INO80: variants seen among roughly 807,000 people sequenced by gnomAD.
The protein encoded by INO80 is INO80 complex ATPase subunit, also known as chromatin-remodeling ATPase INO80.
A neutral mutation model predicts 203.4 loss-of-function variants in INO80; 20 were observed. The ratio of observed to expected loss-of-function variants is 0.10; its 90% CI spans 0.07 to 0.14. The LOEUF is 0.14. INO80 is among the 10% of genes least tolerant of loss of function. The pLI is 1.00. For synonymous variants in INO80, 726 were observed against 685.2 expected, an observed-to-expected ratio of 1.06 and a Z score of -0.93; for missense variants, 1,419 against 1,914.4, an observed-to-expected ratio of 0.74 and a Z score of 4.83.
chr15:41,002,890 G>C (rs1359771208), intron 28 of INO80, among the ~76,000 whole-genome samples: 1 of 152,312 alleles, frequency 6.6e-6, no homozygotes, highest in East Asian at 1.9e-4. Context: ...GGATCATGAG[G>C]TCAGGAGATT....
chr15:41,044,444 T>C (rs932484770), intron 24 of INO80, among the ~76,000 whole-genome samples: 1 of 151,846 alleles, frequency 6.6e-6, no homozygotes, highest in Non-Finnish European at 1.5e-5. Flanking sequence ...TACAAAAGAG[T>C]ACATACAAGA....
Position 40,988,008 on chromosome 15 carries a change from TAGGG to T in INO80, c.3571-38_3571-35del, listed in dbSNP as rs554165179. 76 of 1,577,374 alleles carry T rather than the reference TAGGG, an allele frequency of 4.8e-5. 1 individual carries two copies. In the South Asian group the frequency reaches 8.5e-4, roughly 18 times the overall value. On this transcript the variant is annotated intron_variant, in intron 29 of 35. Coordinates refer to ENST00000648947, the MANE Select transcript of INO80 (RefSeq NM_017553.3). ...AATATAGCAAAAACTGAAGCACTCT[TAGGG>T]AAGGACCAGAAATTCTGAGAGCAAC...
chr15:41,056,581 T>C (rs1383136956), intron 17 of INO80, 41 bp downstream of exon 17: 4 of 1,418,912 alleles, frequency 2.8e-6, no homozygotes, highest in Non-Finnish European at 4.0e-6. Flanking sequence ...AATCCTTCTG[T>C]TTTATGAAGA....
chr15:41,021,491 A>G (rs2044293983), intron 25 of INO80, among the ~76,000 whole-genome samples: 1 of 152,256 alleles, frequency 6.6e-6, no homozygotes, highest in African/African-American at 2.4e-5. Context: ...AACCATATGC[A>G]TGATGGTGAT....
intron 5 of INO80, among the ~76,000 whole-genome samples, chr15:41,089,933 G>T (rs898325325): frequency 3.9e-5 from 6 of 152,066 alleles, no homozygotes; most frequent in Non-Finnish European, 7.4e-5. Flanking sequence ...TCCTCAAAAG[G>T]CTAAGCAAGG....
chr15:40,981,330 C>T (rs866199385), intron 35 of INO80, among the ~76,000 whole-genome samples: 1 of 152,178 alleles, frequency 6.6e-6, no homozygotes, highest in African/African-American at 2.4e-5. Context: ...GAGGAGAAAC[C>T]CTGATGAGTA....
rs569146194 is a variant in INO80, at chr15:40,988,173, G to T, written c.3571-199C>A. ...CCCTGAGCAAAAGATACATGCTCCTGTTTTATTTTTTTCAGTTTTCACTTA... is the reference window on the plus strand; with the variant it reads ...CCCTGAGCAAAAGATACATGCTCCTTTTTTATTTTTTTCAGTTTTCACTTA... On this transcript the variant is annotated intron_variant, in intron 29 of 35. Coordinates refer to ENST00000648947, the MANE Select transcript of INO80 (RefSeq NM_017553.3). 2.7e-3 allele frequency among the ~76,000 whole-genome samples: 409 copies of T among 152,164 alleles called. 3 individuals are homozygous for T. The highest frequency in any genetic ancestry group is 0.013 in the South Asian group (61 of 4,828).
intron 23 of INO80, among the ~76,000 whole-genome samples, chr15:41,046,218 T>C (rs1321686693): frequency 2.0e-3 from 15 of 7,614 alleles, no homozygotes; most frequent in African/African-American, 4.1e-3. Flanking sequence ...TATATATATA[T>C]ATATATATAT....
intron 5 of INO80, among the ~76,000 whole-genome samples, chr15:41,088,660 T>G (rs2140647456): frequency 6.6e-6 from 1 of 152,326 alleles, no homozygotes; most frequent in South Asian, 2.1e-4. Context: ...CACATATTAC[T>G]AATGCATAAA....
At chr15:41,032,982 G>A (rs895338647) in intron 24 of INO80, among the ~76,000 whole-genome samples, 3 of 152,128 alleles carry the variant, frequency 2.0e-5, no homozygotes, top group African/African-American at 7.2e-5. Flanking sequence ...AGGTTGCAGT[G>A]AGCCAAGACC....
chr15:41,087,448 T>A lies in INO80; in HGVS notation c.658+114A>T, dbSNP rs534175929. On this transcript the variant is annotated intron_variant, in intron 6 of 35. Transcript: ENST00000648947. ...TAATTAGAAAGGAGAGTTTTTCAGA[T>A]AAAGCAAATTTCTACCATATGGACT... 3.9e-5 allele frequency: 45 copies of A among 1,156,828 alleles called. No homozygotes were observed. In the African/African-American group the frequency reaches 6.0e-4, roughly 16 times the overall value. 71.7% of individuals were successfully genotyped at this position (1,156,828 alleles called of 1,614,324 possible).
At chr15:41,090,147 G>A (rs1433025591) in intron 5 of INO80, among the ~76,000 whole-genome samples, 1 of 152,170 alleles carries the variant, frequency 6.6e-6, no homozygotes, top group Admixed American at 6.5e-5. Flanking sequence ...GCAATAAGAA[G>A]AAATGAAATG....
chr15:41,092,105 G>A lies in INO80; in HGVS notation c.459C>T (p.Ser153=), dbSNP rs372034629. 19 of 1,612,262 alleles carry A rather than the reference G, an allele frequency of 1.2e-5. No individual in the cohort carries two copies. The highest frequency in any genetic ancestry group is 1.4e-5 in the Non-Finnish European group (17 of 1,178,464). Residue 153 remains serine, a synonymous_variant, in exon 5 of 36, where the codon AGC becomes AGT. Transcript: ENST00000648947. ...EDDDEEELNL[S]REELHNMLRL... is the part of the protein sequence containing the mutation. ...GAAGCATGTTGTGAAGTTCTTCTCT[G>A]CTGAGATTGAGTTCTTCTTCATCAT... is the stretch of plus-strand genomic sequence containing the variant.
chr15:41,036,509 CCCTAGAAGTTAGTGCTCTT>C (rs1566922010), intron 24 of INO80, among the ~76,000 whole-genome samples: 1 of 151,330 alleles, frequency 6.6e-6, no homozygotes, highest in Non-Finnish European at 1.5e-5. Flanking sequence ...TTCCCTAAAC[CCCTAGAAGTTAGTGCTCTT>C]CACAAAATTC....
Position 41,074,573 on chromosome 15 carries a change from G to A in INO80, c.1132-8C>T. On this transcript the variant is annotated splice_polypyrimidine_tract_variant and splice_region_variant and intron_variant, in intron 9 of 35. Transcript: ENST00000648947. ...TCGCTGTTGCCTCTTGGCCTAAAGA[G>A]GGAAAAAAGTGAAAACAGAGCCAAA... The A allele has an allele frequency of 1.3e-6, 2 of 1,583,218 alleles. No individual in the cohort carries two copies. The highest frequency in any genetic ancestry group is 1.8e-5 in the Admixed American group (1 of 54,612).
At chr15:40,994,878 C>G (rs2043861565) in intron 29 of INO80, among the ~76,000 whole-genome samples, 1 of 152,028 alleles carries the variant, frequency 6.6e-6, no homozygotes, top group South Asian at 2.1e-4. Flanking sequence ...ACAAACTGTT[C>G]CAGGTACTAG....
intron 32 of INO80, among the ~76,000 whole-genome samples, chr15:40,984,736 C>T (rs945905984): frequency 6.6e-6 from 1 of 152,110 alleles, no homozygotes; most frequent in African/African-American, 2.4e-5. Context: ...CCTAATGGGC[C>T]GAAGAGCCTC....
chr15:41,088,406 T>C (rs544971729), intron 5 of INO80, among the ~76,000 whole-genome samples: 33 of 151,842 alleles, frequency 2.2e-4, no homozygotes, highest in Non-Finnish European at 4.6e-4. Context: ...CAACTGGCCC[T>C]TCATGCTTGC....
At chr15:41,054,749 C>T (rs1023772926) in intron 18 of INO80, among the ~76,000 whole-genome samples, 2 of 152,290 alleles carry the variant, frequency 1.3e-5, no homozygotes, top group African/African-American at 2.4e-5. Flanking sequence ...AGCGATTCAC[C>T]CGCCTCAGCC....
Sources: gnomAD v4.1 joint callset for allele counts (sites outside exome capture counted in the v4.1 genomes callset) on GRCh38, gnomAD v4.1.1 for gene constraint, MANE v1.5 for transcripts, NCBI Gene and HGNC (gene_info 2026-07-23, HGNC 2026-07-21) for gene names.